The following PAPSS1 variants were observed in gnomAD, a reference collection of about 807,000 sequenced individuals.
The protein encoded by PAPSS1 is 3'-phosphoadenosine 5'-phosphosulfate synthase 1, also known as bifunctional 3'-phosphoadenosine 5'-phosphosulfate synthase 1.
In PAPSS1, 50 loss-of-function variants were observed where a neutral mutation model predicts 72.0. The observed-to-expected ratio is 0.69, with a 90% CI of 0.55 to 0.88. PAPSS1 has a LOEUF of 0.88. Among genes scored for constraint, PAPSS1 ranks in the 40% least tolerant of loss-of-function variants. The pLI is 0.00. For synonymous variants in PAPSS1, 261 were observed against 263.6 expected (o/e 0.99, Z 0.09); for missense variants, 657 against 782.2 (o/e 0.84, Z 1.91).
chr4:107,660,036 C>A lies in PAPSS1; in HGVS notation c.706G>T (p.Glu236Ter), dbSNP rs1260546165. Residue 236 changes from glutamate to a stop codon, truncating the protein, a stop_gained, in exon 6 of 12, where the codon GAA becomes TAA. Transcript: ENST00000265174. LOFTEE classifies it high-confidence loss of function. ...VPVDASYEVK[E>*]LYVPENKLHL... ...AGTTTATTTTCTGGCACATATAGTT[C>A]TTTTACTTCATAAGATGCATCCACA... 1.2e-6 allele frequency: 2 copies of A among 1,601,490 alleles called. No individual in the cohort carries two copies. The highest frequency in any genetic ancestry group is 1.7e-6 in the Non-Finnish European group (2 of 1,171,936).
At chr4:107,711,793 CAG>C (rs1040939231) in intron 1 of PAPSS1, among the ~76,000 whole-genome samples, 7 of 152,208 alleles carry the variant, frequency 4.6e-5, no homozygotes, top group Non-Finnish European at 8.8e-5. Context: ...CTTTAGTTCA[CAG>C]AGTTAACTAA....
intron 11 of PAPSS1, among the ~76,000 whole-genome samples, chr4:107,619,535 T>C (rs1725904077): frequency 6.6e-6 from 1 of 152,102 alleles, no homozygotes; most frequent in South Asian, 2.1e-4. Flanking sequence ...CACAAGTACA[T>C]CTTCAAATGG....
At chr4:107,651,682 G>A (rs1039296658) in intron 9 of PAPSS1, among the ~76,000 whole-genome samples, 4 of 152,066 alleles carry the variant, frequency 2.6e-5, no homozygotes, top group African/African-American at 4.8e-5. Context: ...TAGCATGGGG[G>A]AAGCCACCCC....
rs183821860 is a variant in PAPSS1 at position 107,704,157 on chromosome 4, G to A, written c.61-2872C>T. 5.5e-3 allele frequency among the ~76,000 whole-genome samples: 841 copies of A among 152,202 alleles called. 8 individuals carry two copies. Among genetic ancestry groups the A allele is most frequent in the African/African-American group, 0.019 (790 of 41,528 alleles). ...TTCTTTTACAGGTACTTCAATGTTA[G>A]AATATAAAAACACTACTACTTTTCT... On this transcript the variant is annotated intron_variant, in intron 1 of 11. Transcript: ENST00000265174.
chr4:107,630,306 T>G (rs949365695), intron 11 of PAPSS1, among the ~76,000 whole-genome samples: 1 of 152,252 alleles, frequency 6.6e-6, no homozygotes, highest in African/African-American at 2.4e-5. Context: ...ATAGTTTGGC[T>G]CTGTGTTCCC....
At chr4:107,719,899 G>A in intron 1 of PAPSS1, 1 of 1,354,690 alleles carries the variant, frequency 7.4e-7, no homozygotes, top group Non-Finnish European at 9.4e-7. Context: ...GGCTCGGACC[G>A]CACGCTGCGC....
chr4:107,653,660 C>G (rs184761750), intron 8 of PAPSS1, 34 bp from the exon 9 acceptor site: 1 of 1,589,482 alleles, frequency 6.3e-7, no homozygotes. Flanking sequence ...TAATGGAAAC[C>G]GAGATCAAAA....
At chr4:107,709,547 C>G (rs925887591) in intron 1 of PAPSS1, among the ~76,000 whole-genome samples, 2 of 152,158 alleles carry the variant, frequency 1.3e-5, no homozygotes, top group Non-Finnish European at 2.9e-5. Flanking sequence ...TGATTACCAG[C>G]CACTATTCCA....
intron 1 of PAPSS1, among the ~76,000 whole-genome samples, chr4:107,703,240 C>T (rs1723249595): frequency 2.6e-5 from 4 of 151,982 alleles, no homozygotes; most frequent in Admixed American, 2.6e-4. Flanking sequence ...GTTTGGCTTC[C>T]TATTTTGGAT....
chr4:107,622,899 T>C (rs567469904), intron 11 of PAPSS1, among the ~76,000 whole-genome samples: 12 of 152,250 alleles, frequency 7.9e-5, no homozygotes, highest in South Asian at 2.1e-4. Context: ...CTGAACTAAA[T>C]TGGTTTTGTT....
intron 9 of PAPSS1, among the ~76,000 whole-genome samples, chr4:107,649,653 T>C (rs1226900708): frequency 6.6e-6 from 1 of 152,218 alleles, no homozygotes; most frequent in East Asian, 1.9e-4. Context: ...CTGCCTCAGC[T>C]TTCTCATGTA....
At chr4:107,643,609 A>AAACACAAGC (rs1726615041) in intron 10 of PAPSS1, among the ~76,000 whole-genome samples, 2 of 152,144 alleles carry the variant, frequency 1.3e-5, no homozygotes, top group Non-Finnish European at 1.5e-5. Flanking sequence ...ATCCAATCTT[A>AAACACAAGC]AACACAAGCT....
chr4:107,654,045 T>C (rs1403700580), intron 8 of PAPSS1, among the ~76,000 whole-genome samples: 4 of 152,152 alleles, frequency 2.6e-5, no homozygotes, highest in African/African-American at 9.7e-5. Flanking sequence ...CCACCTCAAA[T>C]TTCTTACAAT....
chr4:107,627,287 C>T (rs1471759353), intron 11 of PAPSS1, among the ~76,000 whole-genome samples: 1 of 152,166 alleles, frequency 6.6e-6, no homozygotes, highest in Non-Finnish European at 1.5e-5. Flanking sequence ...AGCATTTAGC[C>T]ATTAGCAGAA....
chr4:107,652,214 C>T (rs979240198), intron 9 of PAPSS1, among the ~76,000 whole-genome samples: 9 of 152,198 alleles, frequency 5.9e-5, no homozygotes, highest in African/African-American at 2.2e-4. Context: ...AGAGCAGCAC[C>T]AGTGCTTAGG....
chr4:107,691,212 T>C (rs1324875913), intron 3 of PAPSS1, among the ~76,000 whole-genome samples: 1 of 152,112 alleles, frequency 6.6e-6, no homozygotes, highest in Non-Finnish European at 1.5e-5. Context: ...ACCATCAAAA[T>C]TTATGATACA....
Position 107,658,651 on chromosome 4 carries a change from G to A in PAPSS1, c.783+1308C>T, listed in dbSNP as rs114255684. Among the ~76,000 whole-genome samples the A allele has an allele frequency of 9.9e-3, 1,507 of 152,170 alleles. 31 individuals are homozygous for A. The highest frequency in any genetic ancestry group is 0.035 in the African/African-American group (1,456 of 41,514). ...AGCCTACTATTTATTCCCAGAGTAT[G>A]TTTGCCAATGTGTTCCACTGCAAAA... On this transcript the variant is annotated intron_variant, in intron 6 of 11. Coordinates refer to ENST00000265174, the MANE Select transcript of PAPSS1 (RefSeq NM_005443.5).
chr4:107,639,592 G>A (rs1726484425), intron 10 of PAPSS1, among the ~76,000 whole-genome samples: 2 of 152,114 alleles, frequency 1.3e-5, no homozygotes, highest in Non-Finnish European at 1.5e-5. Flanking sequence ...AAGAGACTGT[G>A]AACTGTGTCA....
At chr4:107,710,712 G>A (rs1192029111) in intron 1 of PAPSS1, among the ~76,000 whole-genome samples, 1 of 152,146 alleles carries the variant, frequency 6.6e-6, no homozygotes, top group Admixed American at 6.6e-5. Flanking sequence ...TCCGTTCAGG[G>A]TCAACAGCTT....
Sources: gnomAD v4.1 joint callset for allele counts (sites outside exome capture counted in the v4.1 genomes callset) on GRCh38, gnomAD v4.1.1 for gene constraint, MANE v1.5 for transcripts, NCBI Gene and HGNC (gene_info 2026-07-23, HGNC 2026-07-21) for gene names.